Variants in MTMR1 observed in about 807,000 individuals in gnomAD.
MTMR1 encodes the protein phosphatidylinositol-3-phosphate phosphatase MTMR1.
Under a neutral mutation model 51.6 loss-of-function variants are expected in MTMR1, and 17 were observed. The ratio of observed to expected loss-of-function variants is 0.33; its 90% CI spans 0.23 to 0.49. The LOEUF (loss-of-function observed/expected upper bound fraction) is 0.49, where lower values mean the gene tolerates loss of function less well. Ranked by LOEUF, MTMR1 falls within the 20% of genes least tolerant of loss-of-function variation. The probability of loss-of-function intolerance (pLI) is 0.99; values close to 1 mark genes in which losing one functional copy is unlikely to be tolerated. For synonymous variants in MTMR1, 201 were observed against 205.6 expected, an observed-to-expected ratio of 0.98 and a Z score of 0.19; for missense variants, 386 against 526.9, an observed-to-expected ratio of 0.73 and a Z score of 2.62.
chrX:150,753,771 GT>G (rs1381192011), intron 14 of MTMR1, among the ~76,000 whole-genome samples: 2 of 110,072 alleles, frequency 1.8e-5, no homozygotes, highest in African/African-American at 6.6e-5. Flanking sequence ...TCTAGGGGTT[GT>G]TTTTTTTTAC....
rs1007197099 is a variant in MTMR1 at position 150,696,461 on chromosome X, A to G, written c.147-2734A>G. On this transcript the variant is annotated intron_variant, in intron 1 of 15. Transcript: ENST00000445323. ...AAGAGGATGTGTCTTGCCAAAGATCATGGAGTTAGCTGGTGACAGAAGCAG... is the reference window on the plus strand; with the variant it reads ...AAGAGGATGTGTCTTGCCAAAGATCGTGGAGTTAGCTGGTGACAGAAGCAG... 4.5e-5 allele frequency among the ~76,000 whole-genome samples: 5 copies of G among 111,923 alleles called. No individual in the cohort carries two copies. In the Admixed American group the frequency reaches 4.7e-4, roughly 11 times the overall value.
At chrX:150,760,578 G>C (rs1353921497) in intron 15 of MTMR1, among the ~76,000 whole-genome samples, 1 of 111,876 alleles carries the variant, frequency 8.9e-6, no homozygotes, top group Non-Finnish European at 1.9e-5. Context: ...CTCTGTTTAA[G>C]CCTCCGAGTT....
At chrX:150,697,196 CCTT>C (rs1347138181) in intron 1 of MTMR1, among the ~76,000 whole-genome samples, 2 of 111,982 alleles carry the variant, frequency 1.8e-5, no homozygotes, top group African/African-American at 3.3e-5. Flanking sequence ...CCTTTTCTCT[CCTT>C]CTCCCCCTCA....
Position 150,765,033 on chromosome X carries a change from C to CAGTT in MTMR1, c.*2306_*2309dup, listed in dbSNP as rs1362496009. 1 of 111,072 alleles carries CAGTT rather than the reference C, an allele frequency of 9.0e-6. No individual in the cohort carries two copies. 9.2% of individuals were successfully genotyped at this position (111,072 alleles called of 1,213,427 possible). A position where few individuals can be genotyped will look rare whatever the true frequency, so the allele number is the denominator to read the frequency against. On this transcript the variant is annotated 3_prime_UTR_variant, in exon 16 of 16. Coordinates refer to ENST00000445323, the MANE Select transcript of MTMR1 (RefSeq NM_001306144.3). Reference sequence around the variant, plus strand: ...TTGAATGTTTACTGTGCGTCAAGCACAGTTAATATATGATGATGTAAAGTA... The same window carrying CAGTT: ...TTGAATGTTTACTGTGCGTCAAGCACAGTTAGTTAATATATGATGATGTAAAGTA...
chrX:150,708,859 C>T (rs1557416136), intron 2 of MTMR1, among the ~76,000 whole-genome samples: 1 of 111,671 alleles, frequency 9.0e-6, no homozygotes, highest in Non-Finnish European at 1.9e-5. Flanking sequence ...ACTAAGATTC[C>T]AAGGTGGGTG....
Position 150,737,356 on chromosome X carries a change from A to T in MTMR1, c.1381A>T (p.Met461Leu). 1 of 1,211,307 alleles carries T rather than the reference A, an allele frequency of 8.3e-7. No individual in the cohort carries two copies. Among genetic ancestry groups the T allele is most frequent in the Non-Finnish European group, 1.1e-6 (1 of 895,074 alleles). Residue 461 changes from methionine to leucine, a missense_variant, in exon 12 of 16, where the codon ATG becomes TTG. By Grantham distance (15) the Met-to-Leu change is conservative. Coordinates refer to ENST00000445323, the MANE Select transcript of MTMR1 (RefSeq NM_001306144.3). ...AACAGCCCAGCTCACATCTCTGGCTATGCTAATGTTGGACAGTTACTACAG... is the reference window on the plus strand; with the variant it reads ...AACAGCCCAGCTCACATCTCTGGCTTTGCTAATGTTGGACAGTTACTACAG... ...DRTAQLTSLA[M>L]LMLDSYYRTI...
chrX:150,710,217 G>T (rs2041259658), intron 2 of MTMR1, among the ~76,000 whole-genome samples: 1 of 111,865 alleles, frequency 8.9e-6, no homozygotes, highest in African/African-American at 3.3e-5. Context: ...GTTGTTATGG[G>T]CACAAATCCA....
At chrX:150,710,903 A>C (rs1333316846) in intron 2 of MTMR1, among the ~76,000 whole-genome samples, 2 of 112,355 alleles carry the variant, frequency 1.8e-5, no homozygotes, top group Non-Finnish European at 3.8e-5. Context: ...AAAGTTGACA[A>C]ATCAAGAAAT....
chrX:150,727,151 G>A lies in MTMR1; in HGVS notation c.353-64G>A, dbSNP rs782728647. The stretch of plus-strand genomic sequence containing the variant: ...TCACAAATATATATTTGGAAAACTC[G>A]TGTTAAGTTTTATGGAAGCACAAGT... On this transcript the variant is annotated intron_variant, in intron 4 of 15. Coordinates refer to ENST00000445323, the MANE Select transcript of MTMR1 (RefSeq NM_001306144.3). 266 of 707,129 alleles carry A rather than the reference G, an allele frequency of 3.8e-4. 1 individual carries two copies. The highest frequency in any genetic ancestry group is 2.1e-3 in the Middle Eastern group (7 of 3,328). The allele number at this position is 707,129 out of a possible 1,213,427, so 58.3% of individuals were successfully genotyped here.
intron 12 of MTMR1, among the ~76,000 whole-genome samples, chrX:150,740,680 C>T (rs782002372): frequency 2.7e-5 from 3 of 111,704 alleles, no homozygotes; most frequent in Non-Finnish European, 3.8e-5. Context: ...ATACCTGAGG[C>T]TGGGTAATTT....
intron 12 of MTMR1, among the ~76,000 whole-genome samples, chrX:150,742,557 C>T (rs2042452874): frequency 9.0e-6 from 1 of 111,331 alleles, no homozygotes; most frequent in African/African-American, 3.3e-5. Context: ...TGGCTCACGC[C>T]TGTAATCCCA....
At chrX:150,716,949 C>G (rs1603243868) in intron 3 of MTMR1, among the ~76,000 whole-genome samples, 1 of 112,061 alleles carries the variant, frequency 8.9e-6, no homozygotes, top group East Asian at 2.8e-4. Context: ...CTAGTGGCCT[C>G]CGATGTTAAC....
intron 1 of MTMR1, 68 bp downstream of exon 1, chrX:150,693,744 C>CCGCCCCCTCCCCGCG (rs2040563155): frequency 2.9e-5 from 20 of 689,632 alleles, no homozygotes; most frequent in Non-Finnish European, 3.3e-5. Context: ...CGAGGCCAGC[C>CCGCCCCCTCCCCGCG]CGCCCCCTCC....
intron 1 of MTMR1, among the ~76,000 whole-genome samples, chrX:150,698,724 A>ACT (rs2040793145): frequency 9.3e-6 from 1 of 107,508 alleles, no homozygotes; most frequent in Non-Finnish European, 1.9e-5. Context: ...ACACACACAC[A>ACT]CAAAAGCCGG....
Position 150,742,612 on chromosome X carries a change from C to T in MTMR1, c.1474-1749C>T, listed in dbSNP as rs191836604. On this transcript the variant is annotated intron_variant, in intron 12 of 15. Coordinates refer to ENST00000445323, the MANE Select transcript of MTMR1 (RefSeq NM_001306144.3). ...CGGGCGGATCACGAGGTCAGGAGATCGAGACCATCTTGGCTAACACGGTGA... is the reference window on the plus strand; with the variant it reads ...CGGGCGGATCACGAGGTCAGGAGATTGAGACCATCTTGGCTAACACGGTGA... Among the ~76,000 whole-genome samples, 186 of 109,634 alleles carry T rather than the reference C, an allele frequency of 1.7e-3. 2 individuals carry two copies. The highest frequency in any genetic ancestry group is 4.4e-3 in the Admixed American group (45 of 10,340).
chrX:150,731,834 A>G (rs1420538048), intron 9 of MTMR1, among the ~76,000 whole-genome samples: 2 of 112,226 alleles, frequency 1.8e-5, no homozygotes, highest in Admixed American at 1.9e-4. Flanking sequence ...ATAACTAAGT[A>G]TAAGGGGAAC....
At chrX:150,723,256 T>A (rs1884267151) in intron 4 of MTMR1, among the ~76,000 whole-genome samples, 1 of 111,882 alleles carries the variant, frequency 8.9e-6, no homozygotes, top group African/African-American at 3.3e-5. Flanking sequence ...TCTATCATTG[T>A]TGGACATTTG....
At chrX:150,721,221 C>T (rs1297428152) in intron 4 of MTMR1, among the ~76,000 whole-genome samples, 1 of 111,778 alleles carries the variant, frequency 8.9e-6, no homozygotes, top group Admixed American at 9.5e-5. Context: ...AGAAGTTTTA[C>T]GTCAATATTC....
intron 10 of MTMR1, among the ~76,000 whole-genome samples, chrX:150,734,267 G>A (rs1488827623): frequency 8.9e-6 from 1 of 112,876 alleles, no homozygotes; most frequent in Non-Finnish European, 1.9e-5. Flanking sequence ...AAACACATCT[G>A]CAAAGACCCT....
Sources: allele counts gnomAD v4.1 joint callset (sites outside exome capture counted in the v4.1 genomes callset), GRCh38; gene constraint gnomAD v4.1.1; transcripts MANE v1.5; gene names NCBI Gene and HGNC (gene_info 2026-07-23, HGNC 2026-07-21).